Variants in IGSF9B observed in about 807,000 individuals in gnomAD.
IGSF9B encodes protein turtle homolog B.
A neutral mutation model predicts 143.7 loss-of-function variants in IGSF9B; 48 were observed. That is an observed-to-expected ratio of 0.33 (90% CI 0.26 to 0.42). The LOEUF is 0.42. Among genes scored for constraint, IGSF9B ranks in the 20% least tolerant of loss-of-function variants. The probability of loss-of-function intolerance (pLI) is 1.00; values close to 1 mark genes in which losing one functional copy is unlikely to be tolerated. For missense variants in IGSF9B, 1,706 were observed against 1,980.0 expected, an observed-to-expected ratio of 0.86 and a Z score of 2.63; for synonymous variants, 903 against 833.1, an observed-to-expected ratio of 1.08 and a Z score of -1.44.
At position 133,953,944 on chromosome 11, in the gene IGSF9B, G is replaced by A. The variant is rs1399633587; in HGVS notation, c.64+2747C>T. 6.6e-6 allele frequency among the ~76,000 whole-genome samples: 1 copy of A among 152,178 alleles called. No individual in the cohort carries two copies. Among genetic ancestry groups the A allele is most frequent in the African/African-American group, 2.4e-5 (1 of 41,440 alleles). On this transcript the variant is annotated intron_variant, in intron 1 of 19. Coordinates refer to ENST00000533871, the MANE Select transcript of IGSF9B (RefSeq NM_001277285.4). This position sits in a 1 kb window ranked among gnomAD's most constrained non-coding sequence, Gnocchi z 4.2. ...GCACACACACTCAAAGTCAAAAGGA[G>A]GAGCCCATTCCAACCTCTGTCCCGC...
At position 133,920,502 on chromosome 11, in the gene IGSF9B, C is replaced by G. The variant is rs527279278; in HGVS notation, c.3223G>C (p.Gly1075Arg). ...DVPESLQPKA[G>R]LPRGLPPTSL... is the part of the protein sequence containing the mutation. ...GTGGGGGGCAGTCCTCGGGGGAGGC[C>G]GGCCTTGGGCTGCAGACTCTCGGGC... is the stretch of plus-strand genomic sequence containing the variant. Residue 1075 changes from glycine (G) to arginine (R), a missense_variant, in exon 18 of 20, where the codon GGC becomes CGC. By Grantham distance (125) the Gly-to-Arg change is moderately radical. This residue lies in a region of IGSF9B where 880 missense variants were observed against 762.9 expected (regional missense o/e 1.15). Transcript: ENST00000533871. The G allele has an allele frequency of 6.3e-6, 10 of 1,587,260 alleles. No homozygotes were observed. The Admixed American group carries it at 1.4e-4, about 22-fold the overall frequency.
Position 133,956,816 on chromosome 11 carries a change from C to T in IGSF9B, c.-62G>A. 4.5e-6 allele frequency: 5 copies of T among 1,120,972 alleles called. No homozygotes were observed. Among genetic ancestry groups the T allele is most frequent in the Non-Finnish European group, 5.9e-6 (5 of 844,110 alleles). The allele number at this position is 1,120,972 out of a possible 1,614,324, so 69.4% of individuals were successfully genotyped here. A position where few individuals can be genotyped will look rare whatever the true frequency, so the allele number is the denominator to read the frequency against. On this transcript the variant is annotated 5_prime_UTR_variant, in exon 1 of 20. Transcript: ENST00000533871. Reference sequence around the variant, plus strand: ...CAAAGTGCTCCCGCGCCCGCACGCGCCTCGCGCCCGAGCGCCCGCCTCGCG... The same window carrying T: ...CAAAGTGCTCCCGCGCCCGCACGCGTCTCGCGCCCGAGCGCCCGCCTCGCG...
chr11:133,901,812 ACAC>A lies in IGSF9B; in HGVS notation c.*7254_*7256del, dbSNP rs1261037797. Among the ~76,000 whole-genome samples, 3 of 150,182 alleles carry A rather than the reference ACAC, an allele frequency of 2.0e-5. No homozygotes were observed. Among genetic ancestry groups the A allele is most frequent in the African/African-American group, 7.3e-5 (3 of 40,938 alleles). On this transcript the variant is annotated 3_prime_UTR_variant, in exon 20 of 20. Transcript: ENST00000533871. ...CTCACACACACCACACACAACAGAC[ACAC>A]CACACCACACACACAAACACACACA...
Position 133,935,969 on chromosome 11 carries a change from C to G in IGSF9B, c.821+84G>C, listed in dbSNP as rs948095216. 2.0e-6 allele frequency: 3 copies of G among 1,517,732 alleles called. No individual in the cohort carries two copies. The Admixed American group carries it at 5.8e-5, about 29-fold the overall frequency. 94.0% of individuals were successfully genotyped at this position (1,517,732 alleles called of 1,614,324 possible). A position where few individuals can be genotyped will look rare whatever the true frequency, so the allele number is the denominator to read the frequency against. On this transcript the variant is annotated intron_variant, in intron 6 of 19. Coordinates refer to ENST00000533871, the MANE Select transcript of IGSF9B (RefSeq NM_001277285.4). ...CCCAGCTCCAAGAGCCACGGGCAGC[C>G]TGCCCGTGCAATTTCTGCTCAGGGG...
At chr11:133,951,036 C>T (rs1302896996) in intron 1 of IGSF9B, among the ~76,000 whole-genome samples, 3 of 152,182 alleles carry the variant, frequency 2.0e-5, no homozygotes, top group Non-Finnish European at 2.9e-5. Flanking sequence ...ACCCCTCCTC[C>T]CTGACAAGCC....
chr11:133,911,766 GA>G, intron 19 of IGSF9B, 119 bp downstream of exon 19: 1 of 865,028 alleles, frequency 1.2e-6, no homozygotes, highest in Non-Finnish European at 1.6e-6. Flanking sequence ...CAATTCTAGA[GA>G]AAGCCCAAGG....
chr11:133,921,100 C>T lies in IGSF9B; in HGVS notation c.2625G>A (p.Glu875=), dbSNP rs535240111. 8 of 1,613,890 alleles carry T rather than the reference C, an allele frequency of 5.0e-6. No individual in the cohort carries two copies. The East Asian group carries it at 1.3e-4, about 27-fold the overall frequency. ...MEPSLKSRRI[E]GFPFAEETDM... ...CCGTCTCCTCGGCGAAGGGGAAGCC[C>T]TCGATGCGCCTGCTCTTCAGCGAGG... Residue 875 remains glutamate (E), a synonymous_variant, in exon 18 of 20, where the codon GAG becomes GAA. Coordinates refer to ENST00000533871, the MANE Select transcript of IGSF9B (RefSeq NM_001277285.4).
In IGSF9B at chr11:133,921,287, C is replaced by T. The variant is rs369340509; in HGVS notation, c.2438G>A (p.Arg813His). The T allele has an allele frequency of 2.4e-5, 38 of 1,610,642 alleles. No individual in the cohort carries two copies. Among genetic ancestry groups the T allele is most frequent in the African/African-American group, 1.2e-4 (9 of 74,914 alleles). ...CTTGTACAGCGACAGCTCCTTCTCA[C>T]GGGTGGGGCTCAGCATCCTCTTGGC... Reference protein sequence around the residue: ...PAAKRMLSPTREKELSLYKKT... With the variant: ...PAAKRMLSPTHEKELSLYKKT... Residue 813 changes from arginine (R) to histidine (H), a missense_variant, in exon 18 of 20, where the codon CGT (arginine) becomes CAT (histidine). Physicochemically the swap from Arg to His is conservative, Grantham distance 29. Coordinates refer to ENST00000533871, the MANE Select transcript of IGSF9B (RefSeq NM_001277285.4).
Position 133,902,568 on chromosome 11 carries a change from C to CCACACACACACACACCCCACACA in IGSF9B, c.*6500_*6501insTGTGTGGGGTGTGTGTGTGTGTG, listed in dbSNP as rs1319763633. On this transcript the variant is annotated 3_prime_UTR_variant, in exon 20 of 20. Coordinates refer to ENST00000533871, the MANE Select transcript of IGSF9B (RefSeq NM_001277285.4). ...CACACACCACATACACACACACACCCCACACACACACACACACACCCCACT... is the reference window on the plus strand; with the variant it reads ...CACACACCACATACACACACACACCCCACACACACACACACCCCACACACACACACACACACACACACCCCACT... Among the ~76,000 whole-genome samples the CCACACACACACACACCCCACACA allele has an allele frequency of 6.9e-6, 1 of 145,092 alleles. No homozygotes were observed. Among genetic ancestry groups the CCACACACACACACACCCCACACA allele is most frequent in the Non-Finnish European group, 1.5e-5 (1 of 65,614 alleles).
intron 6 of IGSF9B, 95 bp downstream of exon 6, chr11:133,935,958 C>T: frequency 6.8e-7 from 1 of 1,470,796 alleles, no homozygotes; most frequent in Non-Finnish European, 9.2e-7. Context: ...GCTCCAAGAG[C>T]CACGGGCAGC....
At position 133,946,275 on chromosome 11, in the gene IGSF9B, G is replaced by A. The variant is rs1940050317; in HGVS notation, c.65-17C>T. The A allele has an allele frequency of 1.2e-6, 2 of 1,609,272 alleles. No individual in the cohort carries two copies. Among genetic ancestry groups the A allele is most frequent in the East Asian group, 2.2e-5 (1 of 44,798 alleles). The stretch of plus-strand genomic sequence containing the variant: ...CGTGGGCGCCTGATGGGGACGGCCA[G>A]GTTGGACACAGAAAGGAGGTGACAA... On this transcript the variant is annotated splice_polypyrimidine_tract_variant and intron_variant, in intron 1 of 19. Coordinates refer to ENST00000533871, the MANE Select transcript of IGSF9B (RefSeq NM_001277285.4).
chr11:133,955,211 G>A (rs982454549), intron 1 of IGSF9B, among the ~76,000 whole-genome samples: 2 of 152,140 alleles, frequency 1.3e-5, no homozygotes, highest in Non-Finnish European at 2.9e-5. Context: ...AGACTGTCAA[G>A]CGCAGCCCGA....
At position 133,901,183 on chromosome 11, in the gene IGSF9B, G is replaced by A. The variant is rs1161648270; in HGVS notation, c.*7886C>T. On this transcript the variant is annotated 3_prime_UTR_variant, in exon 20 of 20. Transcript: ENST00000533871. ...CAGCTCACTTGTCCTTCCTGCAGGT[G>A]GGTTATTTGTTTTGTTATTTTACAA... 1 of 152,156 alleles carries A rather than the reference G, an allele frequency of 6.6e-6. No homozygotes were observed. Among genetic ancestry groups the A allele is most frequent in the Non-Finnish European group, 1.5e-5 (1 of 68,048 alleles). 9.4% of individuals were successfully genotyped at this position (152,156 alleles called of 1,614,324 possible). A position where few individuals can be genotyped will look rare whatever the true frequency, so the allele number is the denominator to read the frequency against.
At position 133,902,448 on chromosome 11, in the gene IGSF9B, G is replaced by GACACACCACACACAAGCACACCACAC. The variant is rs747664339; in HGVS notation, c.*6620_*6621insGTGTGGTGTGCTTGTGTGTGGTGTGT. Among the ~76,000 whole-genome samples, 1 of 127,424 alleles carries GACACACCACACACAAGCACACCACAC rather than the reference G, an allele frequency of 7.8e-6. No individual in the cohort carries two copies. The highest frequency in any genetic ancestry group is 3.3e-5 in the African/African-American group (1 of 30,632). 83.6% of individuals were successfully genotyped at this position (127,424 alleles called of 152,430 possible). ...CACACCACACCACACACACCACCCA[G>GACACACCACACACAAGCACACCACAC]ACACACCACACACAGATACACACAC... is the stretch of plus-strand genomic sequence containing the variant. On this transcript the variant is annotated 3_prime_UTR_variant, in exon 20 of 20. Coordinates refer to ENST00000533871, the MANE Select transcript of IGSF9B (RefSeq NM_001277285.4).
chr11:133,939,745 C>A (rs1237425948), intron 3 of IGSF9B, among the ~76,000 whole-genome samples: 1 of 151,948 alleles, frequency 6.6e-6, no homozygotes, highest in East Asian at 1.9e-4. Context: ...CCTCGCACGT[C>A]CTTGCACGCG....
In IGSF9B at chr11:133,919,803, G is replaced by T; in HGVS notation, c.3922C>A (p.Arg1308=). 1 of 1,512,048 alleles carries T rather than the reference G, an allele frequency of 6.6e-7. No homozygotes were observed. The highest frequency in any genetic ancestry group is 8.9e-7 in the Non-Finnish European group (1 of 1,128,290). 93.7% of individuals were successfully genotyped at this position (1,512,048 alleles called of 1,614,324 possible). ...CGGAGCAATTCCTCCCCCGTCCTTC[G>T]AGGGGAAGGCGTCTGTCCAAACACG... ...LDVFGQTPSP[R]RTGEELLRPE... Residue 1308 remains arginine, a synonymous_variant, in exon 18 of 20, where the codon CGA becomes AGA. Transcript: ENST00000533871.
At chr11:133,926,827 C>A in intron 13 of IGSF9B, 89 bp downstream of exon 13, 1 of 1,132,814 alleles carries the variant, frequency 8.8e-7, no homozygotes, top group Non-Finnish European at 1.3e-6. Context: ...GGTACCGGCA[C>A]ACAGGAGGCC....
In IGSF9B at chr11:133,920,403, G is replaced by T. The variant is rs768053252; in HGVS notation, c.3322C>A (p.Pro1108Thr). The T allele has an allele frequency of 2.5e-6, 4 of 1,595,028 alleles. No individual in the cohort carries two copies. The highest frequency in any genetic ancestry group is 2.2e-5 in the East Asian group (1 of 44,678). The change falls in exon 18 of 20, where the codon CCC (proline) becomes ACC (threonine). Residue 1108 changes from proline to threonine, a missense_variant. This residue lies in a region of IGSF9B where 880 missense variants were observed against 762.9 expected (regional missense o/e 1.15). Transcript: ENST00000533871. ...GGCGCTGGGACAGGGCCCCTGCCGG[G>T]CGACTTGCCTGCCCAACCCTTCGGT... ...EAPKGWAGKSPGRGPVPAPPA... is the reference protein window; with the variant it reads ...EAPKGWAGKSTGRGPVPAPPA...
chr11:133,947,023 G>A (rs1332696065), intron 1 of IGSF9B, among the ~76,000 whole-genome samples: 1 of 152,242 alleles, frequency 6.6e-6, no homozygotes, highest in Non-Finnish European at 1.5e-5. Context: ...ACAGAGGAGG[G>A]AGATCCCAGG....
Sources: gnomAD v4.1 joint callset for allele counts (sites outside exome capture counted in the v4.1 genomes callset) on GRCh38, gnomAD v4.1.1 for gene constraint, gnomAD v4.1.1 regional missense constraint, Gnocchi (gnomAD v3.1) non-coding constraint, MANE v1.5 for transcripts, NCBI Gene and HGNC (gene_info 2026-07-23, HGNC 2026-07-21) for gene names.